Variants in RSU1 observed in about 807,000 individuals in gnomAD.
RSU1 encodes the protein rsu-1.
In RSU1, 26 loss-of-function variants were observed where a neutral mutation model predicts 31.1. The ratio of observed to expected loss-of-function variants is 0.84; its 90% confidence interval spans 0.61 to 1.16. RSU1 has a LOEUF of 1.16. RSU1 is among the 50% of genes most tolerant of loss of function. The probability of loss-of-function intolerance (pLI) is 0.00; values close to 1 mark genes in which losing one functional copy is unlikely to be tolerated. For synonymous variants in RSU1, 164 were observed against 136.3 expected (o/e 1.20, Z -1.41); for missense variants, 320 against 339.1 (o/e 0.94, Z 0.44).
chr10:16,803,253 T>C (rs1188388805), intron 2 of RSU1, among the ~76,000 whole-genome samples: 2 of 152,118 alleles, frequency 1.3e-5, no homozygotes, highest in Non-Finnish European at 2.9e-5. Flanking sequence ...AAACACACCA[T>C]TTACATTAAC....
At chr10:16,706,754 T>A (rs1483986800) in intron 7 of RSU1, among the ~76,000 whole-genome samples, 1 of 152,194 alleles carries the variant, frequency 6.6e-6, no homozygotes, top group Non-Finnish European at 1.5e-5. Flanking sequence ...CTCTTCTAGC[T>A]GTTTCCTAAT....
At position 16,809,992 on chromosome 10, in the gene RSU1, T is replaced by TG. The variant is rs896528744; in HGVS notation, c.109+6980dup. ...TCCCAGCAATTTGGGAGGCCGGGGG[T>TG]GGGGGGGGGAGGTGAATCACCTGAG... On this transcript the variant is annotated intron_variant, in intron 2 of 8. Transcript: ENST00000345264. Among the ~76,000 whole-genome samples, 220 of 83,822 alleles carry TG rather than the reference T, an allele frequency of 2.6e-3. 2 individuals are homozygous for TG. Among genetic ancestry groups the TG allele is most frequent in the Middle Eastern group, 7.8e-3 (1 of 128 alleles). 55.0% of individuals were successfully genotyped at this position (83,822 alleles called of 152,430 possible). A position where few individuals can be genotyped will look rare whatever the true frequency, so the allele number is the denominator to read the frequency against.
intron 2 of RSU1, among the ~76,000 whole-genome samples, chr10:16,794,691 T>C (rs1419112069): frequency 2.6e-5 from 4 of 152,180 alleles, no homozygotes; most frequent in Non-Finnish European, 5.9e-5. Flanking sequence ...ACAATCAAGG[T>C]TTCCAGATTC....
intron 5 of RSU1, among the ~76,000 whole-genome samples, 176 bp downstream of exon 5, chr10:16,754,695 G>C (rs890712919): frequency 3.3e-5 from 5 of 151,958 alleles, no homozygotes; most frequent in Admixed American, 3.3e-4. Flanking sequence ...GTCACATAAC[G>C]ATCTATCAAA....
rs916483421 is a variant in RSU1 at position 16,734,898 on chromosome 10, C to A, written c.598+17641G>T. On this transcript the variant is annotated intron_variant, in intron 7 of 8. Transcript: ENST00000345264. ...GATCTTAATCCAATATGACTGTTGT[C>A]CTTACAAGAAGGGCAAAGCTGAACA... is the stretch of plus-strand genomic sequence containing the variant. Among the ~76,000 whole-genome samples, 6 of 152,044 alleles carry A rather than the reference C, an allele frequency of 3.9e-5. No homozygotes were observed. The South Asian group carries it at 8.3e-4, about 21-fold the overall frequency.
Position 16,593,106 on chromosome 10 carries a change from T to C in RSU1, c.*288A>G. 1 of 303,600 alleles carries C rather than the reference T, an allele frequency of 3.3e-6. No homozygotes were observed. The allele number at this position is 303,600 out of a possible 1,614,324, so 18.8% of individuals were successfully genotyped here. On this transcript the variant is annotated 3_prime_UTR_variant, in exon 9 of 9. Transcript: ENST00000345264. ...ATAATAAGCAACCTTGTGATATCTATTCAAGAAAAGCCAGAGCCCACTATG... is the reference window on the plus strand; with the variant it reads ...ATAATAAGCAACCTTGTGATATCTACTCAAGAAAAGCCAGAGCCCACTATG...
intron 8 of RSU1, among the ~76,000 whole-genome samples, chr10:16,596,256 G>C (rs554598755): frequency 6.6e-6 from 1 of 152,132 alleles, no homozygotes; most frequent in Non-Finnish European, 1.5e-5. Context: ...TGCAGGTGTC[G>C]AAGTTAAGGA....
intron 4 of RSU1, among the ~76,000 whole-genome samples, chr10:16,756,521 C>G (rs1837089496): frequency 6.6e-6 from 1 of 152,206 alleles, no homozygotes; most frequent in South Asian, 2.1e-4. Flanking sequence ...AGATGATCCA[C>G]TTCCACTTAA....
rs781151582 is a variant in RSU1, at chr10:16,752,952, G to A, written c.449C>T (p.Pro150Leu). ...CTTTGTGAGCTTCCCAATATCTGGC[G>A]GCAGGATTTCAAAATCGTTGTCACT... ...YLSDNDFEILPPDIGKLTKLQ... is the reference protein window; with the variant it reads ...YLSDNDFEILLPDIGKLTKLQ... The change falls in exon 6 of 9, where the codon CCG becomes CTG. Residue 150 changes from proline (P) to leucine (L), a missense_variant. By Grantham distance (98) the Pro-to-Leu change is moderately conservative. Transcript: ENST00000345264. The A allele has an allele frequency of 3.5e-5, 57 of 1,613,748 alleles. No homozygotes were observed. The highest frequency in any genetic ancestry group is 3.3e-4 in the Middle Eastern group (2 of 6,078).
At chr10:16,728,259 T>A (rs546123121) in intron 7 of RSU1, among the ~76,000 whole-genome samples, 15 of 152,314 alleles carry the variant, frequency 9.8e-5, no homozygotes, top group Admixed American at 2.0e-4. Context: ...CATAAAAGAC[T>A]CATATTTCAA....
intron 3 of RSU1, among the ~76,000 whole-genome samples, chr10:16,780,356 C>G (rs1006685115): frequency 6.6e-6 from 1 of 152,182 alleles, no homozygotes; most frequent in East Asian, 1.9e-4. Context: ...CTACTGGGCT[C>G]AGCCTCTTCA....
chr10:16,674,604 G>A (rs1835189214), intron 8 of RSU1, among the ~76,000 whole-genome samples: 1 of 152,006 alleles, frequency 6.6e-6, no homozygotes, highest in East Asian at 1.9e-4. Flanking sequence ...TAAGAGAGAC[G>A]ATAAAATTGG....
intron 3 of RSU1, among the ~76,000 whole-genome samples, chr10:16,769,754 A>C (rs1458734404): frequency 2.0e-5 from 3 of 152,220 alleles, no homozygotes; most frequent in Non-Finnish European, 4.4e-5. Context: ...ACCCCATGCG[A>C]TAATGCGATG....
chr10:16,678,165 C>T (rs1288270473), intron 8 of RSU1, among the ~76,000 whole-genome samples: 1 of 152,152 alleles, frequency 6.6e-6, no homozygotes, highest in Non-Finnish European at 1.5e-5. Flanking sequence ...ATACCCCTAA[C>T]AAAACAAAAC....
At chr10:16,631,966 G>A (rs143761635) in intron 8 of RSU1, among the ~76,000 whole-genome samples, 2 of 152,312 alleles carry the variant, frequency 1.3e-5, no homozygotes, top group Non-Finnish European at 2.9e-5. Context: ...TTCTGGAAGA[G>A]TCCGTAGAGT....
At chr10:16,789,969 G>T (rs1251240142) in intron 2 of RSU1, among the ~76,000 whole-genome samples, 2 of 152,160 alleles carry the variant, frequency 1.3e-5, no homozygotes, top group East Asian at 1.9e-4. Flanking sequence ...GCCTCTTTAG[G>T]AATGTTATTT....
At chr10:16,764,922 G>A (rs1248029568) in intron 3 of RSU1, among the ~76,000 whole-genome samples, 1 of 151,652 alleles carries the variant, frequency 6.6e-6, no homozygotes, top group Non-Finnish European at 1.5e-5. Flanking sequence ...GCCGTCAGAA[G>A]AAGAAATGCT....
chr10:16,649,087 A>C (rs1168956212), intron 8 of RSU1, among the ~76,000 whole-genome samples: 2 of 152,240 alleles, frequency 1.3e-5, no homozygotes, highest in African/African-American at 4.8e-5. Flanking sequence ...GAGCTTGCTT[A>C]TTAATCAAAG....
intron 7 of RSU1, among the ~76,000 whole-genome samples, chr10:16,710,547 A>G (rs1033754436): frequency 2.6e-5 from 4 of 151,980 alleles, no homozygotes; most frequent in African/African-American, 9.7e-5. Context: ...CTCCCCACTT[A>G]TCAATTTTCT....
Sources: allele counts gnomAD v4.1 joint callset (sites outside exome capture counted in the v4.1 genomes callset), GRCh38; gene constraint gnomAD v4.1.1; transcripts MANE v1.5; gene names NCBI Gene and HGNC (gene_info 2026-07-23, HGNC 2026-07-21).